BCAS3: variants seen among roughly 807,000 people sequenced by gnomAD.
BCAS3 encodes BCAS3 microtubule associated cell migration factor, also known as BCAS4/BCAS3 fusion.
A neutral mutation model predicts 116.1 loss-of-function variants in BCAS3; 53 were observed. The observed-to-expected ratio is 0.46, with a 90% CI of 0.37 to 0.57. The LOEUF (loss-of-function observed/expected upper bound fraction) is 0.57, where lower values mean the gene tolerates loss of function less well. Among genes scored for constraint, BCAS3 ranks in the 20% least tolerant of loss-of-function variants. The pLI is 0.00. For synonymous variants in BCAS3, 391 were observed against 408.2 expected, an observed-to-expected ratio of 0.96 and a Z score of 0.51; for missense variants, 917 against 1,165.4, an observed-to-expected ratio of 0.79 and a Z score of 3.10.
chr17:60,965,451 A>C (rs919439186), intron 14 of BCAS3, among the ~76,000 whole-genome samples: 32 of 152,054 alleles, frequency 2.1e-4, no homozygotes, highest in African/African-American at 7.7e-4. Context: ...TGAACTTCTG[A>C]CCTCAAGTGA....
rs1157620415 is a variant in BCAS3, at chr17:61,241,638, G to C, written c.2426-126689G>C. ...GGAGGATGAGGCAGGAAAATGGCGT[G>C]AACCCAGGAGCCAGAGCTTGCAGTG... is the stretch of plus-strand genomic sequence containing the variant. On this transcript the variant is annotated intron_variant, in intron 22 of 23. Coordinates refer to ENST00000407086, the MANE Select transcript of BCAS3 (RefSeq NM_017679.5). The surrounding 1 kb of genome is among the most constrained non-coding windows in gnomAD (Gnocchi z 4.6). Among the ~76,000 whole-genome samples the C allele has an allele frequency of 6.6e-6, 1 of 152,044 alleles. No individual in the cohort carries two copies. The highest frequency in any genetic ancestry group is 1.9e-4 in the East Asian group (1 of 5,156).
intron 5 of BCAS3, among the ~76,000 whole-genome samples, chr17:60,728,845 G>A (rs143533464): frequency 9.1e-4 from 139 of 152,202 alleles, no homozygotes; most frequent in African/African-American, 3.2e-3. Context: ...CTATATTTTG[G>A]TGATTTTTAC....
rs2144764877 is a variant in BCAS3 at position 61,307,731 on chromosome 17, G to T, written c.2426-60596G>T. 6.6e-6 allele frequency among the ~76,000 whole-genome samples: 1 copy of T among 152,344 alleles called. No homozygotes were observed. The highest frequency in any genetic ancestry group is 2.1e-4 in the South Asian group (1 of 4,826). ...GTTCTAGAAAGGGTTACATTCCTGA[G>T]TAGGGTCTTAATGGCCAGTTCAAGA... On this transcript the variant is annotated intron_variant, in intron 22 of 23. Transcript: ENST00000407086. This position sits in a 1 kb window ranked among gnomAD's most constrained non-coding sequence, Gnocchi z 4.7.
rs2065759659 is a variant in BCAS3, at chr17:61,019,983, A to G, written c.1637+4082A>G. Among the ~76,000 whole-genome samples the G allele has an allele frequency of 6.6e-6, 1 of 152,254 alleles. No homozygotes were observed. The highest frequency in any genetic ancestry group is 2.4e-5 in the African/African-American group (1 of 41,458). ...AACACAGAGTGACCCACTTATAGAC[A>G]GGTAAATTATATTCTGTTTTCAATA... On this transcript the variant is annotated intron_variant, in intron 16 of 23. Coordinates refer to ENST00000407086, the MANE Select transcript of BCAS3 (RefSeq NM_017679.5). The surrounding 1 kb of genome is among the most constrained non-coding windows in gnomAD (Gnocchi z 5.6).
chr17:60,974,817 T>C (rs898410389), intron 14 of BCAS3, among the ~76,000 whole-genome samples: 1 of 152,172 alleles, frequency 6.6e-6, no homozygotes, highest in Admixed American at 6.6e-5. Context: ...AAACTCTAAA[T>C]TGGTAATAAT....
At chr17:60,698,432 C>T (rs1249392081) in intron 4 of BCAS3, among the ~76,000 whole-genome samples, 9 of 151,580 alleles carry the variant, frequency 5.9e-5, no homozygotes, top group Admixed American at 5.9e-4. Flanking sequence ...CTGCTTGAGC[C>T]CAGGAGTTCG....
rs74818570 is a variant in BCAS3, at chr17:61,339,185, G to A, written c.2426-29142G>A. Among the ~76,000 whole-genome samples, 158 of 152,236 alleles carry A rather than the reference G, an allele frequency of 1.0e-3. No homozygotes were observed. The highest frequency in any genetic ancestry group is 3.5e-3 in the African/African-American group (147 of 41,532). On this transcript the variant is annotated intron_variant, in intron 22 of 23. Transcript: ENST00000407086. The surrounding 1 kb of genome is among the most constrained non-coding windows in gnomAD (Gnocchi z 4.4). ...ATTGGCAGTCATCTTCCCAGCTCTC[G>A]GCTTCAACCCTGATTCTGACAGTGG... is the stretch of plus-strand genomic sequence containing the variant.
intron 23 of BCAS3, chr17:61,389,003 TGC>T (rs1178396419): frequency 3.0e-6 from 1 of 330,654 alleles, no homozygotes. Flanking sequence ...CATTCATTCA[TGC>T]TAGAAATGTT....
At chr17:60,965,283 G>T (rs561793785) in intron 14 of BCAS3, among the ~76,000 whole-genome samples, 1 of 147,026 alleles carries the variant, frequency 6.8e-6, no homozygotes, top group Non-Finnish European at 1.5e-5. Context: ...GTGCAGTGGC[G>T]CAATCTTGGC....
At chr17:60,796,346 C>T (rs1009241557) in intron 6 of BCAS3, among the ~76,000 whole-genome samples, 4 of 152,072 alleles carry the variant, frequency 2.6e-5, no homozygotes, top group African/African-American at 9.7e-5. Context: ...GCTGTGAATC[C>T]GTCTGGTCCT....
rs2058591004 is a variant in BCAS3 at position 61,363,894 on chromosome 17, T to C, written c.2426-4433T>C. On this transcript the variant is annotated intron_variant, in intron 22 of 23. Coordinates refer to ENST00000407086, the MANE Select transcript of BCAS3 (RefSeq NM_017679.5). The surrounding 1 kb of genome is among the most constrained non-coding windows in gnomAD (Gnocchi z 4.9). ...CTGTCAACATGGACAAGATGTGCAG[T>C]TTTCCAAGAGCCCAGAGATGACCTC... Among the ~76,000 whole-genome samples, 1 of 152,074 alleles carries C rather than the reference T, an allele frequency of 6.6e-6. No individual in the cohort carries two copies. The highest frequency in any genetic ancestry group is 1.5e-5 in the Non-Finnish European group (1 of 68,002).
chr17:61,332,896 G>A lies in BCAS3; in HGVS notation c.2426-35431G>A, dbSNP rs987050339. ...CTCCCAAAGTGCTGGGATTATAGGCGTGAGCCATGGCACCCGGCCTATCCC... is the reference window on the plus strand; with the variant it reads ...CTCCCAAAGTGCTGGGATTATAGGCATGAGCCATGGCACCCGGCCTATCCC... On this transcript the variant is annotated intron_variant, in intron 22 of 23. Transcript: ENST00000407086. This position sits in a 1 kb window ranked among gnomAD's most constrained non-coding sequence, Gnocchi z 5.4. Among the ~76,000 whole-genome samples the A allele has an allele frequency of 2.0e-5, 3 of 152,332 alleles. No individual in the cohort carries two copies. Among genetic ancestry groups the A allele is most frequent in the Non-Finnish European group, 2.9e-5 (2 of 68,030 alleles).
chr17:60,907,472 G>A (rs927016550), intron 11 of BCAS3, among the ~76,000 whole-genome samples: 2 of 152,184 alleles, frequency 1.3e-5, no homozygotes, highest in African/African-American at 4.8e-5. Flanking sequence ...GAGGCCAACT[G>A]ATATGGCATG....
chr17:61,155,745 C>T (rs2077797462), intron 22 of BCAS3, among the ~76,000 whole-genome samples: 1 of 152,092 alleles, frequency 6.6e-6, no homozygotes, highest in Non-Finnish European at 1.5e-5. Context: ...CAAATGAAAA[C>T]CATATTGATC....
chr17:61,230,074 G>T (rs1446896492), intron 22 of BCAS3, among the ~76,000 whole-genome samples: 1 of 152,060 alleles, frequency 6.6e-6, no homozygotes, highest in African/African-American at 2.4e-5. Flanking sequence ...GCAGTGAGCT[G>T]AGATCATGCC....
intron 1 of BCAS3, among the ~76,000 whole-genome samples, chr17:60,678,618 T>TA (rs1247629044): frequency 2.6e-5 from 4 of 152,202 alleles, no homozygotes; most frequent in Non-Finnish European, 5.9e-5. Context: ...TTTGACTACT[T>TA]GCTACTAGTC....
rs867699726 is a variant in BCAS3 at position 61,388,672 on chromosome 17, C to A, written c.2594-3305C>A. On this transcript the variant is annotated intron_variant, in intron 23 of 23. Transcript: ENST00000407086. This position sits in a 1 kb window ranked among gnomAD's most constrained non-coding sequence, Gnocchi z 6.5. ...CAACAGCCCAGCGTCCGTGAGCAAC[C>A]CAACAGTAACAAAGCATGCGTTCGG... 1 of 1,549,396 alleles carries A rather than the reference C, an allele frequency of 6.5e-7. No homozygotes were observed. The highest frequency in any genetic ancestry group is 8.7e-7 in the Non-Finnish European group (1 of 1,155,192).
At position 61,104,180 on chromosome 17, in the gene BCAS3, T is replaced by A. The variant is rs2074498439; in HGVS notation, c.2425+19616T>A. ...GTCTTTTCTGTAAAAATTCCAGGAG[T>A]TGGGTGGGCTTGATGTCCTCTCTCC... On this transcript the variant is annotated intron_variant, in intron 22 of 23. Coordinates refer to ENST00000407086, the MANE Select transcript of BCAS3 (RefSeq NM_017679.5). The surrounding 1 kb of genome is among the most constrained non-coding windows in gnomAD (Gnocchi z 4.1). 6.6e-6 allele frequency among the ~76,000 whole-genome samples: 1 copy of A among 152,100 alleles called. No individual in the cohort carries two copies. Among genetic ancestry groups the A allele is most frequent in the Non-Finnish European group, 1.5e-5 (1 of 68,018 alleles).
chr17:60,799,708 CTTTTTTTTTTTTTTT>C (rs67510415), intron 6 of BCAS3, among the ~76,000 whole-genome samples: 10 of 49,838 alleles, frequency 2.0e-4, no homozygotes, highest in Non-Finnish European at 3.1e-4. Context: ...TTTTTCTTTT[CTTTTTTTTTTTTTTT>C]TTTTTTTTTT....
Sources: allele counts gnomAD v4.1 joint callset (sites outside exome capture counted in the v4.1 genomes callset), GRCh38; gene constraint gnomAD v4.1.1; non-coding constraint Gnocchi (gnomAD v3.1); transcripts MANE v1.5; gene names NCBI Gene and HGNC (gene_info 2026-07-23, HGNC 2026-07-21).